Variants in CYP51A1 observed in about 807,000 individuals in gnomAD.
The protein encoded by CYP51A1 is cytochrome P450 family 51 subfamily A member 1.
Under a neutral mutation model 53.5 loss-of-function variants are expected in CYP51A1, and 45 were observed. That is an observed-to-expected ratio of 0.84 (90% confidence interval 0.66 to 1.08). The LOEUF (loss-of-function observed/expected upper bound fraction) is 1.08. CYP51A1 is among the 50% of genes least tolerant of loss of function. The probability of loss-of-function intolerance (pLI) is 0.00; values close to 1 mark genes in which losing one functional copy is unlikely to be tolerated. For synonymous variants in CYP51A1, 181 were observed against 217.7 expected (o/e 0.83, Z 1.48); for missense variants, 462 against 621.7 (o/e 0.74, Z 2.73).
At position 92,127,637 on chromosome 7, in the gene CYP51A1, A is replaced by AAAAATCACCTTC; in HGVS notation, c.469-7_469-6insGAAGGTGATTTT. 6.2e-7 allele frequency: 1 copy of AAAAATCACCTTC among 1,613,502 alleles called. No individual in the cohort carries two copies. Among genetic ancestry groups the AAAAATCACCTTC allele is most frequent in the South Asian group, 1.1e-5 (1 of 90,994 alleles). Reference sequence around the variant, plus strand: ...TTCTTCTGCTCCAAGAAAACCTTCAAAAAAATTCAAAACGGGGATACGGCA... The same window carrying AAAAATCACCTTC: ...TTCTTCTGCTCCAAGAAAACCTTCAAAAAATCACCTTCAAAAATTCAAAACGGGGATACGGCA... On this transcript the variant is annotated splice_region_variant and splice_polypyrimidine_tract_variant and intron_variant, in intron 3 of 9. Coordinates refer to ENST00000003100, the MANE Select transcript of CYP51A1 (RefSeq NM_000786.4).
chr7:92,123,198 G>C lies in CYP51A1; in HGVS notation c.1008C>G (p.Asp336Glu), dbSNP rs1392752438. 1.2e-6 allele frequency: 2 copies of C among 1,613,858 alleles called. No homozygotes were observed. The highest frequency in any genetic ancestry group is 1.1e-5 in the South Asian group (1 of 91,066). The change falls in exon 7 of 10, where the codon GAC becomes GAG. Residue 336 changes from aspartate to glutamate, a missense_variant. Transcript: ENST00000003100. ...AATAACATTTTTTTTGAAGTGTTTT[G>C]TCTCTGGCCAAAAAGAAGCCCATCC... ...SAWMGFFLAR[D>E]KTLQKKCYLE...
chr7:92,134,649 G>C (rs970467152), upstream of CYP51A1: 8 of 408,642 alleles, frequency 2.0e-5, no homozygotes, highest in Non-Finnish European at 3.5e-5. Flanking sequence ...GTGGTACGGG[G>C]CCGGAAGATA....
At chr7:92,115,936 G>C (rs1196643316) in intron 9 of CYP51A1, among the ~76,000 whole-genome samples, 1 of 152,210 alleles carries the variant, frequency 6.6e-6, no homozygotes, top group Non-Finnish European at 1.5e-5. Flanking sequence ...CTTTGGGGCA[G>C]AATTTGGGCT....
In CYP51A1 at chr7:92,117,036, C is replaced by A. The variant is rs1048114956; in HGVS notation, c.1351+8G>T. ...AAACATTTCCAATCTAAAATATAAT[C>A]ATCTTACCAGCTCCAAATGGCACAT... On this transcript the variant is annotated splice_region_variant and intron_variant, in intron 9 of 9. Coordinates refer to ENST00000003100, the MANE Select transcript of CYP51A1 (RefSeq NM_000786.4). 2 of 1,603,514 alleles carry A rather than the reference C, an allele frequency of 1.2e-6. No individual in the cohort carries two copies. Among genetic ancestry groups the A allele is most frequent in the South Asian group, 1.1e-5 (1 of 89,518 alleles).
In CYP51A1 at chr7:92,114,605, A is replaced by G. The variant is rs147857288; in HGVS notation, c.1352-762T>C. Among the ~76,000 whole-genome samples the G allele has an allele frequency of 5.4e-3, 827 of 152,288 alleles. 5 individuals carry two copies. The highest frequency in any genetic ancestry group is 6.1e-3 in the Non-Finnish European group (418 of 67,994). On this transcript the variant is annotated intron_variant, in intron 9 of 9. Transcript: ENST00000003100. The stretch of plus-strand genomic sequence containing the variant: ...GGAATAACTAGATATTACATGGGGG[A>G]AAAATGAAATTCAACTCCTATGTCA...
Position 92,123,746 on chromosome 7 carries a change from T to G in CYP51A1, c.878A>C (p.Asp293Ala). ...GAATAGCTCTTACTTGTATGTAGCA[T>G]CTAGTAAAGTTTGGAGAATGTCATC... The part of the protein sequence containing the change: ...KIDDILQTLL[D>A]ATYKDGRPLT... Residue 293 changes from aspartate (D) to alanine (A), a missense_variant, in exon 6 of 10, where the codon GAT (aspartate) becomes GCT (alanine). Transcript: ENST00000003100. The G allele has an allele frequency of 1.2e-6, 2 of 1,607,404 alleles. No homozygotes were observed. The highest frequency in any genetic ancestry group is 1.7e-6 in the Non-Finnish European group (2 of 1,177,894).
At chr7:92,132,452 T>A (rs554450342) in intron 1 of CYP51A1, among the ~76,000 whole-genome samples, 10 of 152,290 alleles carry the variant, frequency 6.6e-5, no homozygotes, top group African/African-American at 2.4e-4. Flanking sequence ...TTTGTATTAT[T>A]TTTTATTGTT....
chr7:92,132,757 TAG>T, intron 1 of CYP51A1, among the ~76,000 whole-genome samples: 1 of 152,374 alleles, frequency 6.6e-6, no homozygotes. Flanking sequence ...CCACTGATTT[TAG>T]AGTTTTTAAG....
At position 92,134,177 on chromosome 7, in the gene CYP51A1, C is replaced by T. The variant is rs376480367; in HGVS notation, c.188G>A (p.Gly63Glu). Residue 63 changes from glycine (G) to glutamate (E), a missense_variant, in exon 1 of 10, where the codon GGG becomes GAG. Gly to Glu is a moderately conservative substitution (Grantham distance 98, BLOSUM62 -2). Transcript: ENST00000003100. ...GACCCTAAAGAATGTACGTACCACC[C>T]CTGCGGGCAGCTGGACCAGGTGGCC... ...AAGHLVQLPA[G>E]VKSPPYIFSP... 1.2e-6 allele frequency: 2 copies of T among 1,611,660 alleles called. No homozygotes were observed. The highest frequency in any genetic ancestry group is 4.5e-5 in the East Asian group (2 of 44,878).
At chr7:92,125,866 C>T (rs1292064955) in intron 5 of CYP51A1, among the ~76,000 whole-genome samples, 2 of 151,988 alleles carry the variant, frequency 1.3e-5, no homozygotes, top group Admixed American at 1.3e-4. Context: ...CATGGTGGCA[C>T]GTGCCTGTAG....
chr7:92,134,555 C>A (rs1286794592), upstream of CYP51A1: 7 of 603,238 alleles, frequency 1.2e-5, no homozygotes, highest in Non-Finnish European at 2.0e-5. Flanking sequence ...CCGCTGGCCA[C>A]GCCCCTTAAA....
intron 1 of CYP51A1, among the ~76,000 whole-genome samples, chr7:92,133,277 C>T (rs1819961834): frequency 7.0e-6 from 1 of 142,544 alleles, no homozygotes; most frequent in East Asian, 2.0e-4. Flanking sequence ...TTTTTTGAGA[C>T]GGAGTCTCAT....
chr7:92,133,324 G>T (rs970243552), intron 1 of CYP51A1, among the ~76,000 whole-genome samples: 4 of 150,906 alleles, frequency 2.7e-5, no homozygotes, highest in Non-Finnish European at 5.9e-5. Flanking sequence ...GCGCAATCTC[G>T]GTTTACTGCA....
At chr7:92,119,112 G>T (rs950734756) in intron 7 of CYP51A1, among the ~76,000 whole-genome samples, 12 of 152,134 alleles carry the variant, frequency 7.9e-5, no homozygotes, top group African/African-American at 2.9e-4. Flanking sequence ...AACTATTAGA[G>T]GAGCCAGAGC....
chr7:92,134,423 C>G lies in CYP51A1; in HGVS notation c.-59G>C. On this transcript the variant is annotated 5_prime_UTR_variant, in exon 1 of 10. Transcript: ENST00000003100. Reference sequence around the variant, plus strand: ...CCACCGCTCCTCCCAATCGACGGAACGAGAGAAGCTGGCAGATGGTCGTCC... The same window carrying G: ...CCACCGCTCCTCCCAATCGACGGAAGGAGAGAAGCTGGCAGATGGTCGTCC... 6.8e-7 allele frequency: 1 copy of G among 1,475,654 alleles called. No homozygotes were observed. The highest frequency in any genetic ancestry group is 9.1e-7 in the Non-Finnish European group (1 of 1,103,180). The allele number at this position is 1,475,654 out of a possible 1,614,324, so 91.4% of individuals were successfully genotyped here. A position where few individuals can be genotyped will look rare whatever the true frequency, so the allele number is the denominator to read the frequency against.
intron 7 of CYP51A1, among the ~76,000 whole-genome samples, chr7:92,121,985 G>C (rs1563178968): frequency 6.6e-6 from 1 of 152,132 alleles, no homozygotes; most frequent in Non-Finnish European, 1.5e-5. Context: ...CAGTTAAGCT[G>C]TTATTTTAAG....
chr7:92,119,921 G>A (rs578184965), intron 7 of CYP51A1, among the ~76,000 whole-genome samples: 2 of 151,926 alleles, frequency 1.3e-5, no homozygotes, highest in East Asian at 3.9e-4. Flanking sequence ...TTTTTTTAGA[G>A]AACCAAATAG....
chr7:92,117,050 C>T lies in CYP51A1; in HGVS notation c.1345G>A (p.Gly449Arg). 2 of 1,610,570 alleles carry T rather than the reference C, an allele frequency of 1.2e-6. No individual in the cohort carries two copies. The highest frequency in any genetic ancestry group is 1.7e-6 in the Non-Finnish European group (2 of 1,178,794). ...TAAAATATAATCATCTTACCAGCTC[C>T]AAATGGCACATAGGCAAACTTTTCC... is the stretch of plus-strand genomic sequence containing the variant. ...SGEKFAYVPFGAGRHRCIGEN... is the reference protein window; with the variant it reads ...SGEKFAYVPFRAGRHRCIGEN... The change falls in exon 9 of 10, where the codon GGA becomes AGA. Residue 449 changes from glycine (G) to arginine (R), a missense_variant. By Grantham distance (125) the Gly-to-Arg change is moderately radical (BLOSUM62 -2). Coordinates refer to ENST00000003100, the MANE Select transcript of CYP51A1 (RefSeq NM_000786.4).
chr7:92,121,874 G>A (rs1819699917), intron 7 of CYP51A1, among the ~76,000 whole-genome samples: 2 of 152,178 alleles, frequency 1.3e-5, no homozygotes, highest in Admixed American at 1.3e-4. Context: ...TGATGTAAAT[G>A]TTCTAAAATT....
Sources: allele counts gnomAD v4.1 joint callset (sites outside exome capture counted in the v4.1 genomes callset), GRCh38; gene constraint gnomAD v4.1.1; transcripts MANE v1.5; gene names NCBI Gene and HGNC (gene_info 2026-07-23, HGNC 2026-07-21).